CEP192: variants seen among roughly 807,000 people sequenced by gnomAD.
CEP192 encodes centrosomal protein of 192 kDa.
Under a neutral mutation model 271.8 loss-of-function variants are expected in CEP192, and 151 were observed. The observed-to-expected ratio is 0.56, with a 90% CI of 0.49 to 0.64. The LOEUF is 0.64. Ranked by LOEUF, CEP192 falls within the 30% of genes least tolerant of loss-of-function variation. The pLI is 0.00. For synonymous variants in CEP192, 995 were observed against 1,076.5 expected, an observed-to-expected ratio of 0.92 and a Z score of 1.48; for missense variants, 2,910 against 3,020.5, an observed-to-expected ratio of 0.96 and a Z score of 0.86.
chr18:13,036,801 G>A (rs891435973), intron 11 of CEP192, among the ~76,000 whole-genome samples: 9 of 152,198 alleles, frequency 5.9e-5, no homozygotes, highest in African/African-American at 2.2e-4. Context: ...TGTCCGGACC[G>A]GGGTTTCCTG....
chr18:13,002,197 C>T (rs7243660), intron 3 of CEP192, among the ~76,000 whole-genome samples: 107,202 of 152,046 alleles, frequency 0.71, 38,983 homozygotes, highest in African/African-American at 0.89. Flanking sequence ...TTGTAGTCTT[C>T]CATACTATTT....
chr18:13,110,498 T>C (rs1598631110), intron 40 of CEP192, among the ~76,000 whole-genome samples: 1 of 152,056 alleles, frequency 6.6e-6, no homozygotes, highest in East Asian at 1.9e-4. Flanking sequence ...CAACAAATAG[T>C]GCCTGGGAGA....
rs768286853 is a variant in CEP192 at position 13,015,443 on chromosome 18, C to G, written c.635C>G (p.Ser212Cys). ...ATCTTACCGACAAGCTTGGAAGATTCTTCTGGTACTGCAGAGTAACCTGTG... is the reference window on the plus strand; with the variant it reads ...ATCTTACCGACAAGCTTGGAAGATTGTTCTGGTACTGCAGAGTAACCTGTG... ...KLILPTSLED[S>C]SDDDIDDEMF... Residue 212 changes from serine to cysteine, a missense_variant, in exon 6 of 45, where the codon TCT becomes TGT. Transcript: ENST00000506447. 3.9e-6 allele frequency: 6 copies of G among 1,551,252 alleles called. No individual in the cohort carries two copies. The highest frequency in any genetic ancestry group is 5.2e-6 in the Non-Finnish European group (6 of 1,146,730).
intron 3 of CEP192, among the ~76,000 whole-genome samples, chr18:13,002,013 C>T (rs760971808): frequency 2.0e-5 from 3 of 152,200 alleles, no homozygotes; most frequent in Non-Finnish European, 4.4e-5. Context: ...CCACCGCGCC[C>T]GGCCAAGAGT....
intron 21 of CEP192, 27 bp downstream of exon 21, chr18:13,059,339 C>A: frequency 6.4e-7 from 1 of 1,559,934 alleles, no homozygotes; most frequent in South Asian, 1.1e-5. Context: ...GAATCTTTGT[C>A]ATACCTGGCA....
At chr18:13,021,258 A>G (rs2034975489) in intron 9 of CEP192, among the ~76,000 whole-genome samples, 1 of 152,190 alleles carries the variant, frequency 6.6e-6, no homozygotes, top group Non-Finnish European at 1.5e-5. Context: ...AAAGAAAACG[A>G]TTGTTGATTT....
intron 33 of CEP192, among the ~76,000 whole-genome samples, chr18:13,090,810 A>G (rs1191304595): frequency 6.6e-6 from 1 of 152,190 alleles, no homozygotes; most frequent in African/African-American, 2.4e-5. Context: ...GATAAGCTGA[A>G]CTGTGCTATG....
At chr18:12,995,919 A>G (rs2033202350) in intron 1 of CEP192, among the ~76,000 whole-genome samples, 1 of 152,228 alleles carries the variant, frequency 6.6e-6, no homozygotes, top group Admixed American at 6.5e-5. Context: ...CAGGGAGGTT[A>G]GGATGACTGG....
intron 5 of CEP192, among the ~76,000 whole-genome samples, chr18:13,014,063 C>T (rs1396538363): frequency 6.6e-6 from 1 of 152,144 alleles, no homozygotes; most frequent in Non-Finnish European, 1.5e-5. Context: ...GAAGTTGTGA[C>T]AGAGATTGTA....
intron 33 of CEP192, among the ~76,000 whole-genome samples, 168 bp from the exon 34 acceptor site, chr18:13,092,209 C>T (rs1030566334): frequency 6.6e-6 from 1 of 152,168 alleles, no homozygotes; most frequent in African/African-American, 2.4e-5. Flanking sequence ...GCCACTGGTG[C>T]TGAATTGACT....
chr18:13,060,024 G>A (rs973093821), intron 21 of CEP192, among the ~76,000 whole-genome samples: 3 of 152,192 alleles, frequency 2.0e-5, no homozygotes, highest in African/African-American at 7.2e-5. Context: ...AGATGGGAGG[G>A]TGCAGAATAG....
chr18:13,007,014 T>C (rs2034025104), intron 3 of CEP192, among the ~76,000 whole-genome samples: 1 of 152,146 alleles, frequency 6.6e-6, no homozygotes, highest in Non-Finnish European at 1.5e-5. Context: ...TCTCCTGCCC[T>C]CCCCGACTCC....
chr18:13,056,176 G>T lies in CEP192; in HGVS notation c.3586G>T (p.Asp1196Tyr). ...GTCCTGCCAGGAGCCTATAGATGAAGATCAAAGAATAAGTCCTAAAGATAA... is the reference window on the plus strand; with the variant it reads ...GTCCTGCCAGGAGCCTATAGATGAATATCAAAGAATAAGTCCTAAAGATAA... ...PVSCQEPIDE[D>Y]QRISPKDKST... Residue 1196 changes from aspartate (D) to tyrosine (Y), a missense_variant, in exon 19 of 45, where the codon GAT becomes TAT. Coordinates refer to ENST00000506447, the MANE Select transcript of CEP192 (RefSeq NM_032142.4). 1 of 1,614,006 alleles carries T rather than the reference G, an allele frequency of 6.2e-7. No homozygotes were observed. The highest frequency in any genetic ancestry group is 8.5e-7 in the Non-Finnish European group (1 of 1,179,938).
intron 44 of CEP192, among the ~76,000 whole-genome samples, chr18:13,119,220 A>C (rs1380162906): frequency 6.6e-6 from 1 of 152,216 alleles, no homozygotes; most frequent in African/African-American, 2.4e-5. Context: ...ATACTGAATA[A>C]ATTATCCTGA....
chr18:13,029,597 A>G (rs764677429), intron 9 of CEP192, 66 bp from the exon 10 acceptor site: 1 of 992,568 alleles, frequency 1.0e-6, no homozygotes, highest in Non-Finnish European at 1.4e-6. Context: ...CATAAATTTT[A>G]AAATAAGTTA....
At chr18:13,120,348 A>G (rs757670437) in intron 44 of CEP192, among the ~76,000 whole-genome samples, 2 of 152,180 alleles carry the variant, frequency 1.3e-5, no homozygotes, top group Admixed American at 6.5e-5. Flanking sequence ...CACTTTTGAG[A>G]TATGAAATGT....
At chr18:13,053,933 C>T (rs2036943544) in intron 18 of CEP192, among the ~76,000 whole-genome samples, 1 of 152,052 alleles carries the variant, frequency 6.6e-6, no homozygotes, top group African/African-American at 2.4e-5. Flanking sequence ...CTCAGGTGTT[C>T]CTTCTGCCTC....
intron 9 of CEP192, among the ~76,000 whole-genome samples, chr18:13,019,696 C>T (rs1487376364): frequency 1.3e-5 from 2 of 152,066 alleles, no homozygotes; most frequent in Admixed American, 6.6e-5. Flanking sequence ...CCCACTTGTC[C>T]AGTACTGATT....
In CEP192 at chr18:13,008,574, G is replaced by A; in HGVS notation, c.409G>A (p.Glu137Lys). ...GPEEEPAGAT[E>K]SLQGQDLFNR... ...AGAAGAGGAGCCAGCCGGAGCTACA[G>A]AATCCTTGCAGGGCCAAGATCTCTT... Residue 137 changes from glutamate to lysine, a missense_variant, in exon 4 of 45, where the codon GAA (glutamate) becomes AAA (lysine). Glu to Lys is a moderately conservative substitution (Grantham distance 56). Coordinates refer to ENST00000506447, the MANE Select transcript of CEP192 (RefSeq NM_032142.4). 1.9e-6 allele frequency: 3 copies of A among 1,551,676 alleles called. No individual in the cohort carries two copies. Among genetic ancestry groups the A allele is most frequent in the Non-Finnish European group, 2.6e-6 (3 of 1,146,976 alleles).
Sources: allele counts gnomAD v4.1 joint callset (sites outside exome capture counted in the v4.1 genomes callset), GRCh38; gene constraint gnomAD v4.1.1; transcripts MANE v1.5; gene names NCBI Gene and HGNC (gene_info 2026-07-23, HGNC 2026-07-21).